The following DSE variants were observed in gnomAD, a reference collection of about 807,000 sequenced individuals.
DSE encodes dermatan sulfate epimerase, also known as dermatan-sulfate epimerase.
A neutral mutation model predicts 84.4 loss-of-function variants in DSE; 36 were observed. The ratio of observed to expected loss-of-function variants is 0.43; its 90% CI spans 0.33 to 0.56. The LOEUF is 0.56. Among genes scored for constraint, DSE ranks in the 20% least tolerant of loss-of-function variants. DSE has a pLI of 0.06. For synonymous variants in DSE, 410 were observed against 430.1 expected, an observed-to-expected ratio of 0.95 and a Z score of 0.58; for missense variants, 862 against 1,169.6, an observed-to-expected ratio of 0.74 and a Z score of 3.84.
chr6:116,258,895 T>C, exon 2 of DSE: 2 of 1,597,802 alleles, frequency 1.3e-6, no homozygotes, highest in Non-Finnish European at 1.7e-6. Flanking sequence ...CATCATGGAG[T>C]TAGTAAGGCG....
chr6:116,353,478 T>C (rs1778424061), intron 2 of DSE, among the ~76,000 whole-genome samples: 2 of 152,206 alleles, frequency 1.3e-5, no homozygotes, highest in Non-Finnish European at 1.5e-5. Context: ...TAAAGGTTTC[T>C]CAGTAAGGTT....
rs544337447 is a variant in DSE at position 116,297,431 on chromosome 6, C to A, written c.-54+38464C>A. On this transcript the variant is annotated intron_variant, in intron 2 of 3. Coordinates refer to the DSE transcript ENST00000430252. ...TTTCCTACCTCCACATGAGTGCCTC[C>A]TAGGATCACCTCCTAAAGAAGAAAC... Among the ~76,000 whole-genome samples the A allele has an allele frequency of 2.7e-4, 41 of 152,032 alleles. No homozygotes were observed. The South Asian group carries it at 5.2e-3, about 19-fold the overall frequency.
chr6:116,403,137 G>A (rs868121815), intron 2 of DSE, among the ~76,000 whole-genome samples: 2 of 151,998 alleles, frequency 1.3e-5, no homozygotes, highest in African/African-American at 4.8e-5. Flanking sequence ...ACTGGGCACC[G>A]CAGAATGATG....
intron 2 of DSE, among the ~76,000 whole-genome samples, chr6:116,331,572 G>T (rs563097556): frequency 6.6e-6 from 1 of 152,278 alleles, no homozygotes; most frequent in Admixed American, 6.5e-5. Flanking sequence ...GGTTCTGGGC[G>T]GGGACAGAGC....
At chr6:116,379,885 G>C (rs1003656915) in intron 1 of DSE, among the ~76,000 whole-genome samples, 1 of 152,108 alleles carries the variant, frequency 6.6e-6, no homozygotes, top group African/African-American at 2.4e-5. Flanking sequence ...TCTTTCTTAA[G>C]AAAGGTTATG....
intron 2 of DSE, among the ~76,000 whole-genome samples, chr6:116,402,584 T>C (rs1781662856): frequency 6.6e-6 from 1 of 152,196 alleles, no homozygotes; most frequent in Non-Finnish European, 1.5e-5. Flanking sequence ...GATGCTGTTC[T>C]TTTACCTACC....
intron 2 of DSE, among the ~76,000 whole-genome samples, chr6:116,357,812 G>A (rs920156509): frequency 2.6e-5 from 4 of 152,036 alleles, no homozygotes; most frequent in African/African-American, 9.7e-5. Flanking sequence ...TAAAATCCGC[G>A]TGCGCACGTG....
intron 2 of DSE, among the ~76,000 whole-genome samples, chr6:116,363,391 GTATA>G (rs531728872): frequency 0.015 from 2,298 of 151,612 alleles, 53 homozygotes; most frequent in African/African-American, 0.053. Context: ...GTGTGTGTGT[GTATA>G]TATATATGAT....
intron 2 of DSE, among the ~76,000 whole-genome samples, chr6:116,285,475 A>G (rs1283254353): frequency 3.9e-5 from 6 of 152,172 alleles, no homozygotes; most frequent in Non-Finnish European, 7.4e-5. Context: ...TAGGTTGCCT[A>G]TTCACTCTGA....
At chr6:116,358,416 T>C (rs569322244) in intron 2 of DSE, among the ~76,000 whole-genome samples, 2 of 152,332 alleles carry the variant, frequency 1.3e-5, no homozygotes, top group Admixed American at 6.5e-5. Context: ...GGAAGAGTTA[T>C]TCTTTAATTA....
At chr6:116,345,182 C>A (rs1409632708) in intron 2 of DSE, among the ~76,000 whole-genome samples, 1 of 152,160 alleles carries the variant, frequency 6.6e-6, no homozygotes, top group Non-Finnish European at 1.5e-5. Context: ...GACTTCAACA[C>A]CCCACTGTCA....
intron 2 of DSE, among the ~76,000 whole-genome samples, chr6:116,362,944 T>G (rs1778982060): frequency 6.6e-6 from 1 of 152,178 alleles, no homozygotes; most frequent in African/African-American, 2.4e-5. Flanking sequence ...TTTTCCCAAG[T>G]TATCATGGTT....
chr6:116,324,783 A>C (rs1021500616), intron 2 of DSE, among the ~76,000 whole-genome samples: 7 of 152,190 alleles, frequency 4.6e-5, no homozygotes, highest in African/African-American at 1.4e-4. Context: ...TGTTCACTGC[A>C]CTTCTCTGTT....
intron 1 of DSE, among the ~76,000 whole-genome samples, chr6:116,379,150 A>C (rs1040141275): frequency 6.6e-6 from 1 of 152,128 alleles, no homozygotes; most frequent in Non-Finnish European, 1.5e-5. Context: ...TGAAATTAAG[A>C]TAGAAGTATC....
intron 1 of DSE, among the ~76,000 whole-genome samples, chr6:116,257,872 A>T (rs1386792455): frequency 1.3e-5 from 2 of 152,120 alleles, no homozygotes; most frequent in African/African-American, 4.8e-5. Context: ...GGGGACAAAA[A>T]CACTCAGTCT....
chr6:116,355,929 TG>T (rs1322044549), intron 2 of DSE: 1 of 152,226 alleles, frequency 6.6e-6, no homozygotes, highest in East Asian at 1.9e-4. Flanking sequence ...ATAGAATTAG[TG>T]TTGAAATCTT....
At chr6:116,421,463 A>ATATATATATATATATATATATT (rs1357496121) in intron 2 of DSE, among the ~76,000 whole-genome samples, 1 of 61,344 alleles carries the variant, frequency 1.6e-5, no homozygotes, top group African/African-American at 9.3e-5. Context: ...ATATATATAT[A>ATATATATATATATATATATATT]TTTTTTTTTT....
At chr6:116,433,806 A>G (rs1183076358) in intron 5 of DSE, among the ~76,000 whole-genome samples, 1 of 152,204 alleles carries the variant, frequency 6.6e-6, no homozygotes, top group Non-Finnish European at 1.5e-5. Context: ...TAGTGAGCAT[A>G]GTACCTAATA....
chr6:116,433,328 A>G lies in DSE; in HGVS notation c.911-15A>G, dbSNP rs1232495093. The G allele has an allele frequency of 2.1e-5, 33 of 1,550,000 alleles. No individual in the cohort carries two copies. Among genetic ancestry groups the G allele is most frequent in the Non-Finnish European group, 2.6e-5 (30 of 1,146,682 alleles). On this transcript the variant is annotated splice_polypyrimidine_tract_variant and intron_variant, in intron 4 of 5. Transcript: ENST00000644252. ...TTTTCAAAGTATCTTAATTCTTTCCAACTTATTTCCCTAGGGTTTCAAAGG... is the reference window on the plus strand; with the variant it reads ...TTTTCAAAGTATCTTAATTCTTTCCGACTTATTTCCCTAGGGTTTCAAAGG...
Sources: gnomAD v4.1 joint callset for allele counts (sites outside exome capture counted in the v4.1 genomes callset) on GRCh38, gnomAD v4.1.1 for gene constraint, MANE v1.5 for transcripts, NCBI Gene and HGNC (gene_info 2026-07-23, HGNC 2026-07-21) for gene names.